TYW5: variants seen among roughly 807,000 people sequenced by gnomAD.
TYW5 encodes the protein tRNA-yW synthesizing protein 5.
A neutral mutation model predicts 44.4 loss-of-function variants in TYW5; 36 were observed. The observed-to-expected ratio is 0.81, with a 90% confidence interval of 0.62 to 1.07. TYW5 has a LOEUF of 1.07. TYW5 is among the 50% of genes least tolerant of loss of function. The probability of loss-of-function intolerance (pLI) is 0.00; values close to 1 mark genes in which losing one functional copy is unlikely to be tolerated. For missense variants in TYW5, 354 were observed against 365.7 expected, an observed-to-expected ratio of 0.97 and a Z score of 0.26; for synonymous variants, 121 against 128.1, an observed-to-expected ratio of 0.94 and a Z score of 0.37.
rs1027319511 is a variant in TYW5 at position 199,949,977 on chromosome 2, T to G, written c.79-1505A>C. ...TCTTGTGACTTTTTAACTGGGGCAC[T>G]TCCTTACATTATGGCAAAAAAAAAG... On this transcript the variant is annotated intron_variant, in intron 1 of 7. Coordinates refer to ENST00000354611, the MANE Select transcript of TYW5 (RefSeq NM_001039693.3). 2.6e-5 allele frequency among the ~76,000 whole-genome samples: 4 copies of G among 152,148 alleles called. No individual in the cohort carries two copies. In the East Asian group the frequency reaches 5.8e-4, roughly 22 times the overall value.
chr2:199,949,003 A>AT (rs1350837786), intron 1 of TYW5, among the ~76,000 whole-genome samples: 1 of 152,116 alleles, frequency 6.6e-6, no homozygotes, highest in Non-Finnish European at 1.5e-5. Context: ...ACTTAAGTAT[A>AT]TTTTCTGAGA....
At chr2:199,948,516 CAACACATCAAG>C (rs758593288) in intron 1 of TYW5, 44 bp from the exon 2 acceptor site, 5 of 1,604,052 alleles carry the variant, frequency 3.1e-6, no homozygotes, top group Non-Finnish European at 4.3e-6. Context: ...TGAAAACCAA[CAACACATCAAG>C]AGCTGTATTT....
intron 1 of TYW5, 152 bp from the exon 2 acceptor site, chr2:199,948,624 TA>T (rs1246903960): frequency 2.3e-5 from 16 of 695,618 alleles, no homozygotes; most frequent in Non-Finnish European, 4.7e-6. Flanking sequence ...ATGCTGTCAC[TA>T]AAACAAGAAG....
intron 5 of TYW5, among the ~76,000 whole-genome samples, chr2:199,938,417 T>C (rs1216231123): frequency 6.6e-6 from 1 of 152,092 alleles, no homozygotes; most frequent in Non-Finnish European, 1.5e-5. Context: ...CAGCAGATAT[T>C]TGACATTCTC....
chr2:199,934,474 C>T (rs1487733067), intron 7 of TYW5, among the ~76,000 whole-genome samples: 1 of 151,444 alleles, frequency 6.6e-6, no homozygotes, highest in Non-Finnish European at 1.5e-5. Context: ...AAGACTAATA[C>T]GTTCGTTGCT....
At chr2:199,944,779 G>T (rs766126231) in intron 2 of TYW5, 3 of 152,144 alleles carry the variant, frequency 2.0e-5, no homozygotes, top group Non-Finnish European at 4.4e-5. Context: ...TGAGAAAGTC[G>T]AAAGAAAAGG....
intron 1 of TYW5, among the ~76,000 whole-genome samples, chr2:199,950,809 T>A (rs2077539053): frequency 6.6e-6 from 1 of 152,170 alleles, no homozygotes; most frequent in African/African-American, 2.4e-5. Flanking sequence ...AAGGAGTGAA[T>A]ACAAAGTATG....
chr2:199,942,246 T>G (rs1294850383), intron 3 of TYW5: 1 of 152,382 alleles, frequency 6.6e-6, no homozygotes, highest in Admixed American at 6.5e-5. Context: ...TTTTTGTATT[T>G]TTAGTAGAGG....
intron 1 of TYW5, among the ~76,000 whole-genome samples, chr2:199,952,433 T>C (rs1286832364): frequency 1.3e-5 from 2 of 152,192 alleles, no homozygotes; most frequent in African/African-American, 4.8e-5. Context: ...ATTTCTCTTA[T>C]GAGTAAACTT....
intron 1 of TYW5, among the ~76,000 whole-genome samples, chr2:199,949,022 A>C (rs2077524463): frequency 6.6e-6 from 1 of 152,132 alleles, no homozygotes; most frequent in African/African-American, 2.4e-5. Flanking sequence ...GAACAAAGAC[A>C]TCTTCTTATA....
rs941763486 is a variant in TYW5, at chr2:199,930,226, C to T, written c.*2841G>A. ...TCCTGAGTTCAGATGATCCACCCACCTCGGTGCATATAGTATTTTTAAAAT... is the reference window on the plus strand; with the variant it reads ...TCCTGAGTTCAGATGATCCACCCACTTCGGTGCATATAGTATTTTTAAAAT... On this transcript the variant is annotated 3_prime_UTR_variant, in exon 8 of 8. Transcript: ENST00000354611. The T allele has an allele frequency of 5.3e-5, 8 of 152,080 alleles. No individual in the cohort carries two copies. Among genetic ancestry groups the T allele is most frequent in the African/African-American group, 1.7e-4 (7 of 41,384 alleles). The allele number at this position is 152,080 out of a possible 1,614,324, so 9.4% of individuals were successfully genotyped here. A position where few individuals can be genotyped will look rare whatever the true frequency, so the allele number is the denominator to read the frequency against.
At chr2:199,954,498 C>T (rs2077577516) in intron 1 of TYW5, among the ~76,000 whole-genome samples, 1 of 152,094 alleles carries the variant, frequency 6.6e-6, no homozygotes, top group African/African-American at 2.4e-5. Context: ...GTGGCGCGAT[C>T]TCGGCTCACT....
chr2:199,952,602 T>A (rs2077554488), intron 1 of TYW5, among the ~76,000 whole-genome samples: 1 of 152,252 alleles, frequency 6.6e-6, no homozygotes, highest in Non-Finnish European at 1.5e-5. Flanking sequence ...AAATATTTTC[T>A]CCCACTTTGT....
chr2:199,953,073 G>A (rs536294276), intron 1 of TYW5, among the ~76,000 whole-genome samples: 1 of 152,268 alleles, frequency 6.6e-6, no homozygotes, highest in South Asian at 2.1e-4. Context: ...TGTAATCCCA[G>A]CACTTTGGGA....
intron 1 of TYW5, among the ~76,000 whole-genome samples, chr2:199,954,500 C>T (rs1475616935): frequency 1.3e-5 from 2 of 151,980 alleles, no homozygotes; most frequent in Non-Finnish European, 2.9e-5. Flanking sequence ...GGCGCGATCT[C>T]GGCTCACTGC....
At position 199,929,970 on chromosome 2, in the gene TYW5, ATTTTT is replaced by A. The variant is rs35165461; in HGVS notation, c.*3092_*3096del. ...ACCACTCCCCAGCTCTGCATATAAT[ATTTTT>A]TTTTTTTTTTTTTTTTTTGAGACAG... On this transcript the variant is annotated 3_prime_UTR_variant, in exon 8 of 8. Coordinates refer to ENST00000354611, the MANE Select transcript of TYW5 (RefSeq NM_001039693.3). 29 of 89,852 alleles carry A rather than the reference ATTTTT, an allele frequency of 3.2e-4. No homozygotes were observed. Among genetic ancestry groups the A allele is most frequent in the Middle Eastern group, 5.6e-3 (1 of 180 alleles). The allele number at this position is 89,852 out of a possible 1,614,324, so 5.6% of individuals were successfully genotyped here.
chr2:199,933,745 T>C (rs1189608442), intron 7 of TYW5, among the ~76,000 whole-genome samples: 2 of 152,190 alleles, frequency 1.3e-5, no homozygotes, highest in African/African-American at 4.8e-5. Flanking sequence ...TCTGATTCAT[T>C]ATAATACTTT....
In TYW5 at chr2:199,930,755, T is replaced by G. The variant is rs1021858675; in HGVS notation, c.*2312A>C. On this transcript the variant is annotated 3_prime_UTR_variant, in exon 8 of 8. Transcript: ENST00000354611. ...AATCTATTCAGAAGTACTGGAGATGTGCTGCACATTAGGGAGAATGGAGAA... is the reference window on the plus strand; with the variant it reads ...AATCTATTCAGAAGTACTGGAGATGGGCTGCACATTAGGGAGAATGGAGAA... 2 of 91,168 alleles carry G rather than the reference T, an allele frequency of 2.2e-5. No individual in the cohort carries two copies. The highest frequency in any genetic ancestry group is 3.0e-4 in the East Asian group (1 of 3,300). 5.6% of individuals were successfully genotyped at this position (91,168 alleles called of 1,614,324 possible). A position where few individuals can be genotyped will look rare whatever the true frequency, so the allele number is the denominator to read the frequency against.
In TYW5 at chr2:199,933,056, C is replaced by T; in HGVS notation, c.*11G>A. 5.6e-6 allele frequency: 9 copies of T among 1,612,350 alleles called. No individual in the cohort carries two copies. The highest frequency in any genetic ancestry group is 7.6e-6 in the Non-Finnish European group (9 of 1,179,266). On this transcript the variant is annotated 3_prime_UTR_variant, in exon 8 of 8. Coordinates refer to ENST00000354611, the MANE Select transcript of TYW5 (RefSeq NM_001039693.3). ...CTAAAGTGTTAATGTGCATTGCATT[C>T]ACTTCATTATTTACTCAGAGTTCTT...
Sources: allele counts gnomAD v4.1 joint callset (sites outside exome capture counted in the v4.1 genomes callset), GRCh38; gene constraint gnomAD v4.1.1; transcripts MANE v1.5; gene names NCBI Gene and HGNC (gene_info 2026-07-23, HGNC 2026-07-21).